Variants in PCCA observed in about 807,000 individuals in gnomAD.
PCCA encodes the protein propionyl-CoA carboxylase alpha chain, mitochondrial.
Under a neutral mutation model 101.3 loss-of-function variants are expected in PCCA, and 74 were observed. The observed-to-expected ratio is 0.73, with a 90% CI of 0.61 to 0.89. The LOEUF (loss-of-function observed/expected upper bound fraction) is 0.89, where lower values mean the gene tolerates loss of function less well. Among genes scored for constraint, PCCA ranks in the 40% least tolerant of loss-of-function variants. The pLI is 0.00. For missense variants in PCCA, 891 were observed against 907.0 expected, an observed-to-expected ratio of 0.98 and a Z score of 0.23; for synonymous variants, 294 against 313.6, an observed-to-expected ratio of 0.94 and a Z score of 0.66.
chr13:100,525,567 C>T (rs902827475), intron 22 of PCCA, among the ~76,000 whole-genome samples: 4 of 152,232 alleles, frequency 2.6e-5, no homozygotes, highest in African/African-American at 7.2e-5. Flanking sequence ...ATCCCCAGGC[C>T]GCATTTCTTC....
intron 2 of PCCA, among the ~76,000 whole-genome samples, chr13:100,105,203 A>G (rs1343774872): frequency 6.6e-6 from 1 of 152,164 alleles, no homozygotes; most frequent in Non-Finnish European, 1.5e-5. Context: ...TTGATTAGCC[A>G]CATTTGAAGA....
intron 18 of PCCA, among the ~76,000 whole-genome samples, chr13:100,365,127 A>G (rs532980856): frequency 1.3e-5 from 2 of 152,322 alleles, no homozygotes; most frequent in African/African-American, 4.8e-5. Flanking sequence ...GCTTCCTATC[A>G]CTTGCCTAAC....
At chr13:100,416,614 C>T (rs1489596400) in intron 19 of PCCA, among the ~76,000 whole-genome samples, 4 of 151,742 alleles carry the variant, frequency 2.6e-5, no homozygotes, top group African/African-American at 9.7e-5. Context: ...CTCACTGCAA[C>T]CTCCACCTGC....
intron 4 of PCCA, among the ~76,000 whole-genome samples, chr13:100,138,444 C>T (rs1317766528): frequency 6.6e-6 from 1 of 152,184 alleles, no homozygotes; most frequent in South Asian, 2.1e-4. Flanking sequence ...ATTGAAAACC[C>T]CATCAGACAA....
intron 4 of PCCA, among the ~76,000 whole-genome samples, chr13:100,127,346 G>A (rs2050054670): frequency 6.6e-6 from 1 of 151,972 alleles, no homozygotes; most frequent in African/African-American, 2.4e-5. Context: ...TTATACTGAA[G>A]TTACTTTTTA....
chr13:100,129,943 A>G (rs908170663), intron 4 of PCCA, among the ~76,000 whole-genome samples: 1 of 152,058 alleles, frequency 6.6e-6, no homozygotes, highest in Non-Finnish European at 1.5e-5. Context: ...AATGTTTACC[A>G]TTTATTTCTG....
At chr13:100,170,217 A>G (rs538041175) in intron 6 of PCCA, among the ~76,000 whole-genome samples, 63 of 152,274 alleles carry the variant, frequency 4.1e-4, no homozygotes, top group African/African-American at 1.5e-3. Context: ...TCATTGATTT[A>G]TTTGTATGTG....
chr13:100,368,634 C>G, intron 19 of PCCA, 60 bp downstream of exon 19: 1 of 1,012,014 alleles, frequency 9.9e-7, no homozygotes, highest in Admixed American at 1.7e-5. Context: ...TATTTAAAGC[C>G]ATTTTTAACC....
intron 19 of PCCA, among the ~76,000 whole-genome samples, chr13:100,412,734 A>T (rs1454450927): frequency 6.6e-6 from 1 of 152,076 alleles, no homozygotes; most frequent in East Asian, 1.9e-4. Context: ...GCTGATTGTT[A>T]GCTTATTCTG....
intron 20 of PCCA, among the ~76,000 whole-genome samples, chr13:100,447,591 G>C (rs1020162533): frequency 2.0e-5 from 3 of 151,848 alleles, no homozygotes; most frequent in Admixed American, 1.3e-4. Context: ...AGAAACACTT[G>C]AACCTGGGAG....
intron 18 of PCCA, among the ~76,000 whole-genome samples, chr13:100,359,043 T>G (rs1371899378): frequency 7.6e-6 from 1 of 131,974 alleles, no homozygotes; most frequent in Non-Finnish European, 1.5e-5. Context: ...GAGCTTGCAG[T>G]GAGCTGAGAT....
intron 16 of PCCA, among the ~76,000 whole-genome samples, chr13:100,322,217 G>A (rs545651386): frequency 6.6e-6 from 1 of 152,138 alleles, no homozygotes; most frequent in Non-Finnish European, 1.5e-5. Flanking sequence ...GCCATGTCAG[G>A]AAACCCACAG....
chr13:100,191,924 T>A (rs146069082), intron 6 of PCCA, among the ~76,000 whole-genome samples: 2,208 of 152,330 alleles, frequency 0.014, 28 homozygotes, highest in South Asian at 0.028. Flanking sequence ...AGGAGAAGAC[T>A]GCATTTTCAA....
chr13:100,309,378 T>A (rs1227658690), intron 15 of PCCA, among the ~76,000 whole-genome samples: 2 of 152,004 alleles, frequency 1.3e-5, no homozygotes, highest in Non-Finnish European at 2.9e-5. Context: ...GCCTGGGCAA[T>A]AGAGCGAGAC....
chr13:100,205,478 T>C (rs746731269), intron 6 of PCCA, among the ~76,000 whole-genome samples: 1 of 151,606 alleles, frequency 6.6e-6, no homozygotes, highest in Non-Finnish European at 1.5e-5. Context: ...AGCATACTAC[T>C]GGCTATTTTT....
intron 18 of PCCA, among the ~76,000 whole-genome samples, chr13:100,367,825 G>A (rs894272473): frequency 9.2e-5 from 14 of 151,642 alleles, no homozygotes; most frequent in African/African-American, 3.1e-4. Flanking sequence ...GCGTGTGGTG[G>A]TGGGCGCCTG....
intron 6 of PCCA, among the ~76,000 whole-genome samples, chr13:100,186,683 G>C (rs991156744): frequency 6.8e-6 from 1 of 147,980 alleles, no homozygotes; most frequent in Non-Finnish European, 1.5e-5. Context: ...GGAGGTTGCA[G>C]TGAGCCAAGA....
chr13:100,357,617 A>G (rs1369255645), intron 18 of PCCA, among the ~76,000 whole-genome samples: 1 of 152,242 alleles, frequency 6.6e-6, no homozygotes, highest in African/African-American at 2.4e-5. Flanking sequence ...AATAATTATA[A>G]ACTCTGGACA....
intron 7 of PCCA, among the ~76,000 whole-genome samples, chr13:100,222,190 G>A (rs1204750491): frequency 2.6e-5 from 4 of 151,960 alleles, no homozygotes; most frequent in African/African-American, 7.3e-5. Flanking sequence ...ACAGATATGC[G>A]CCACCATGCC....
Sources: gnomAD v4.1 joint callset for allele counts (sites outside exome capture counted in the v4.1 genomes callset) on GRCh38, gnomAD v4.1.1 for gene constraint, MANE v1.5 for transcripts, NCBI Gene and HGNC (gene_info 2026-07-23, HGNC 2026-07-21) for gene names.